The following TRPM3 variants were observed in gnomAD, a reference collection of about 807,000 sequenced individuals.
TRPM3 encodes the protein long transient receptor potential channel 3.
TRPM3 carries 77 observed loss-of-function variants against 181.2 expected under a neutral mutation model. The observed-to-expected ratio is 0.42, with a 90% CI of 0.35 to 0.51. The LOEUF (loss-of-function observed/expected upper bound fraction) is 0.51, where lower values mean the gene tolerates loss of function less well. TRPM3 is among the 20% of genes least tolerant of loss of function. TRPM3 has a pLI of 0.01. For missense variants in TRPM3, 1,759 were observed against 2,196.7 expected, an observed-to-expected ratio of 0.80 and a Z score of 3.98; for synonymous variants, 745 against 796.4, an observed-to-expected ratio of 0.94 and a Z score of 1.09.
At chr9:71,044,474 C>T (rs537401834) in intron 1 of TRPM3, among the ~76,000 whole-genome samples, 4 of 152,178 alleles carry the variant, frequency 2.6e-5, no homozygotes, top group Non-Finnish European at 5.9e-5. Flanking sequence ...AGCTTCCAGT[C>T]GTCTTTCACT....
At chr9:70,571,838 A>G (rs2052480913) in intron 22 of TRPM3, among the ~76,000 whole-genome samples, 1 of 152,184 alleles carries the variant, frequency 6.6e-6, no homozygotes, top group Non-Finnish European at 1.5e-5. Context: ...TCTCAATAAT[A>G]GCCTGTTTAT....
At chr9:70,562,877 G>T (rs1231963306) in intron 22 of TRPM3, among the ~76,000 whole-genome samples, 2 of 152,138 alleles carry the variant, frequency 1.3e-5, no homozygotes, top group African/African-American at 2.4e-5. Context: ...ACGCCAGTGG[G>T]TTTGCTGTCA....
At chr9:71,212,863 G>A (rs978632309) in intron 1 of TRPM3, among the ~76,000 whole-genome samples, 1 of 151,982 alleles carries the variant, frequency 6.6e-6, no homozygotes, top group African/African-American at 2.4e-5. Context: ...ATGTATGTAT[G>A]TATGTATGTA....
intron 1 of TRPM3, among the ~76,000 whole-genome samples, chr9:71,408,891 C>A (rs1193142605): frequency 3.3e-5 from 5 of 152,172 alleles, no homozygotes; most frequent in Non-Finnish European, 7.3e-5. Flanking sequence ...GCCCATCGGA[C>A]TAGCAGCTGA....
chr9:70,606,466 T>TAA (rs2061134922), intron 19 of TRPM3, among the ~76,000 whole-genome samples: 1 of 152,152 alleles, frequency 6.6e-6, no homozygotes, highest in African/African-American at 2.4e-5. Flanking sequence ...AGCTATAATA[T>TAA]AATATTTTGG....
intron 1 of TRPM3, among the ~76,000 whole-genome samples, chr9:70,983,243 T>C (rs1307601848): frequency 6.6e-6 from 1 of 152,058 alleles, no homozygotes; most frequent in East Asian, 1.9e-4. Flanking sequence ...TACTTCACAC[T>C]CTTTTGTAGG....
chr9:70,616,511 A>ATT (rs5898153), intron 17 of TRPM3, among the ~76,000 whole-genome samples: 1,398 of 125,866 alleles, frequency 0.011, 20 homozygotes, highest in African/African-American at 0.039. Flanking sequence ...GTCCACTGGC[A>ATT]TTTTTTTTTT....
intron 21 of TRPM3, among the ~76,000 whole-genome samples, chr9:70,595,654 A>G (rs2058879503): frequency 6.6e-6 from 1 of 152,184 alleles, no homozygotes; most frequent in African/African-American, 2.4e-5. Context: ...GAAAATTCAC[A>G]CACCCACACA....
intron 1 of TRPM3, among the ~76,000 whole-genome samples, chr9:71,074,920 A>G (rs1023862434): frequency 3.9e-5 from 6 of 152,172 alleles, no homozygotes; most frequent in African/African-American, 1.4e-4. Flanking sequence ...GAAAAGTTTG[A>G]ATGAGACTTT....
At chr9:71,298,906 C>T (rs955048334) in intron 1 of TRPM3, among the ~76,000 whole-genome samples, 11 of 152,080 alleles carry the variant, frequency 7.2e-5, no homozygotes, top group South Asian at 6.2e-4. Context: ...TAGCTGACAT[C>T]GTCCTACTTT....
intron 3 of TRPM3, among the ~76,000 whole-genome samples, chr9:70,848,876 C>T (rs1589205509): frequency 3.8e-5 from 3 of 78,596 alleles, no homozygotes; most frequent in East Asian, 5.5e-4. Context: ...ACTCGGGAGG[C>T]TGAGGCAGGA....
At chr9:70,660,325 C>T (rs1383906241) in intron 9 of TRPM3, among the ~76,000 whole-genome samples, 2 of 152,094 alleles carry the variant, frequency 1.3e-5, no homozygotes, top group Admixed American at 1.3e-4. Flanking sequence ...CTGATTACCT[C>T]CTTTGGAGAG....
chr9:71,405,112 G>C (rs2131405411), intron 1 of TRPM3, among the ~76,000 whole-genome samples: 1 of 152,212 alleles, frequency 6.6e-6, no homozygotes. Flanking sequence ...CCAACACCTT[G>C]TATATTTCTT....
chr9:70,797,860 G>A (rs2087630620), intron 6 of TRPM3, among the ~76,000 whole-genome samples: 1 of 152,178 alleles, frequency 6.6e-6, no homozygotes, highest in Non-Finnish European at 1.5e-5. Flanking sequence ...GCAGTGAGGT[G>A]AGCAGGTGAA....
chr9:70,631,487 G>A (rs2065860376), intron 12 of TRPM3, among the ~76,000 whole-genome samples: 1 of 151,782 alleles, frequency 6.6e-6, no homozygotes. Context: ...TTTTGGTGGG[G>A]AAGGATAGTA....
chr9:70,673,949 CA>C (rs5898160), intron 9 of TRPM3, among the ~76,000 whole-genome samples: 21,071 of 88,748 alleles, frequency 0.24, 1,185 homozygotes, highest in Admixed American at 0.3. Flanking sequence ...AACTCCATCT[CA>C]AAAAAAAAAA....
At chr9:71,080,796 AC>A (rs1439287720) in intron 1 of TRPM3, among the ~76,000 whole-genome samples, 2 of 152,136 alleles carry the variant, frequency 1.3e-5, no homozygotes, top group Admixed American at 6.6e-5. Context: ...GAAGAAAGAA[AC>A]TTTTTTTCCC....
chr9:70,905,981 C>G (rs1257829019), intron 1 of TRPM3, among the ~76,000 whole-genome samples: 2 of 152,096 alleles, frequency 1.3e-5, no homozygotes, highest in African/African-American at 4.8e-5. Context: ...CTCAGCCTCT[C>G]AAGGTGTTGA....
chr9:70,741,173 A>C (rs567256729), intron 8 of TRPM3, among the ~76,000 whole-genome samples: 1 of 152,248 alleles, frequency 6.6e-6, no homozygotes, highest in Non-Finnish European at 1.5e-5. Context: ...AATTCTCGAA[A>C]GAAGATATAC....
Sources: gnomAD v4.1 joint callset for allele counts (sites outside exome capture counted in the v4.1 genomes callset) on GRCh38, gnomAD v4.1.1 for gene constraint, MANE v1.5 for transcripts, NCBI Gene and HGNC (gene_info 2026-07-23, HGNC 2026-07-21) for gene names.